The following SSH3 variants were observed in gnomAD, a reference collection of about 807,000 sequenced individuals.
The protein encoded by SSH3 is slingshot protein phosphatase 3.
Under a neutral mutation model 75.0 loss-of-function variants are expected in SSH3, and 67 were observed. The observed-to-expected ratio is 0.89, with a 90% CI of 0.73 to 1.10. SSH3 has a LOEUF of 1.10. Among genes scored for constraint, SSH3 ranks in the 50% least tolerant of loss-of-function variants. The pLI, the probability that SSH3 is intolerant of heterozygous loss-of-function variation, is 0.00. For missense variants in SSH3, 824 were observed against 872.7 expected (o/e 0.94, Z 0.70); for synonymous variants, 318 against 349.2 (o/e 0.91, Z 1.00).
At position 67,307,301 on chromosome 11, in the gene SSH3, T is replaced by C; in HGVS notation, c.537-70T>C. The stretch of plus-strand genomic sequence containing the variant: ...GACTCCTGGGTCTCGGCTTCCCGTA[T>C]CCAGCAAAAGGATGGGTTCTCTGTC... On this transcript the variant is annotated intron_variant, in intron 5 of 13. Transcript: ENST00000308127. The surrounding 1 kb of genome is among the most constrained non-coding windows in gnomAD (Gnocchi z 4.2). 6.2e-7 allele frequency: 1 copy of C among 1,600,274 alleles called. No homozygotes were observed. The highest frequency in any genetic ancestry group is 2.3e-5 in the East Asian group (1 of 44,146).
In SSH3 at chr11:67,310,005, T is replaced by A. The variant is rs775344191; in HGVS notation, c.1409+37T>A. The A allele has an allele frequency of 1.9e-6, 3 of 1,608,070 alleles. 1 individual carries two copies. In the South Asian group the frequency reaches 3.3e-5, roughly 18 times the overall value. ...GAGCGAGTGGCAGGGGGTGAGTAGGTGGGTTTGCTGGGGGTGGCTGCTGGG... is the reference window on the plus strand; with the variant it reads ...GAGCGAGTGGCAGGGGGTGAGTAGGAGGGTTTGCTGGGGGTGGCTGCTGGG... On this transcript the variant is annotated intron_variant, in intron 12 of 13. Transcript: ENST00000308127.
chr11:67,312,452 A>C lies in SSH3; in HGVS notation c.*565A>C. ...TCCAGGTCTTTGCTGCTGTCCCCAG[A>C]CCTCCTGTGACACCACGCCAGATCA... On this transcript the variant is annotated 3_prime_UTR_variant, in exon 14 of 14. Transcript: ENST00000308127. 6.3e-6 allele frequency: 1 copy of C among 158,906 alleles called. No homozygotes were observed. Among genetic ancestry groups the C allele is most frequent in the Non-Finnish European group, 1.4e-5 (1 of 72,792 alleles). 9.8% of individuals were successfully genotyped at this position (158,906 alleles called of 1,614,324 possible). A position where few individuals can be genotyped will look rare whatever the true frequency, so the allele number is the denominator to read the frequency against.
At chr11:67,305,155 AC>A in intron 3 of SSH3, 148 bp downstream of exon 3, 1 of 714,626 alleles carries the variant, frequency 1.4e-6, no homozygotes, top group Non-Finnish European at 2.3e-6. Flanking sequence ...TATCCCAGTG[AC>A]CCTGCTGTTT....
chr11:67,308,978 AG>A lies in SSH3; in HGVS notation c.1062-417del, dbSNP rs961204238. 6.6e-6 allele frequency among the ~76,000 whole-genome samples: 1 copy of A among 152,180 alleles called. No homozygotes were observed. The highest frequency in any genetic ancestry group is 2.4e-5 in the African/African-American group (1 of 41,436). On this transcript the variant is annotated intron_variant, in intron 10 of 13. Coordinates refer to ENST00000308127, the MANE Select transcript of SSH3 (RefSeq NM_017857.4). The surrounding 1 kb of genome is among the most constrained non-coding windows in gnomAD (Gnocchi z 4.9). ...CCACCTTGCCCTGTCTCAGGGAAGA[AG>A]GAACTGCCCTTCTCCCCGTGGGGAC...
intron 13 of SSH3, among the ~76,000 whole-genome samples, chr11:67,310,540 G>C (rs1279391485): frequency 6.6e-6 from 1 of 152,190 alleles, no homozygotes; most frequent in Admixed American, 6.5e-5. Context: ...GTATCTCTTA[G>C]CACCCGGCGT....
chr11:67,305,694 C>T (rs552080503), intron 3 of SSH3, among the ~76,000 whole-genome samples: 1 of 152,274 alleles, frequency 6.6e-6, no homozygotes, highest in South Asian at 2.1e-4. Context: ...GGCAGGCTTG[C>T]TGGACACACA....
rs1861312109 is a variant in SSH3, at chr11:67,308,451, AG to A, written c.1056del (p.Asn353ThrfsTer7). The A allele has an allele frequency of 1.3e-6, 2 of 1,593,570 alleles. No homozygotes were observed. Among genetic ancestry groups the A allele is most frequent in the African/African-American group, 2.7e-5 (2 of 74,310 alleles). On this transcript the variant is annotated frameshift_variant, in exon 10 of 14. Coordinates refer to ENST00000308127, the MANE Select transcript of SSH3 (RefSeq NM_017857.4). LOFTEE classifies it high-confidence loss of function. The surrounding 1 kb of genome is among the most constrained non-coding windows in gnomAD (Gnocchi z 4.9). The part of the protein sequence containing the change: ...WNAANLEELQ[R>X]NRVTHILNMA... ...CGCAGCAAACCTGGAGGAGCTGCAG[AG>A]GAACAGGTAGGGCTATGAGCCCCTC...
rs917529707 is a variant in SSH3 at position 67,303,570 on chromosome 11, G to A, written c.-56G>A. On this transcript the variant is annotated 5_prime_UTR_variant, in exon 1 of 14. Transcript: ENST00000308127. Reference sequence around the variant, plus strand: ...TCCTGCGGGTCCAGGACTGTCCGCGGGGTTGAGGGAAGGGGCCGTGCCCGG... The same window carrying A: ...TCCTGCGGGTCCAGGACTGTCCGCGAGGTTGAGGGAAGGGGCCGTGCCCGG... 2.0e-6 allele frequency: 3 copies of A among 1,497,230 alleles called. No individual in the cohort carries two copies. Among genetic ancestry groups the A allele is most frequent in the Admixed American group, 2.0e-5 (1 of 49,858 alleles). 92.7% of individuals were successfully genotyped at this position (1,497,230 alleles called of 1,614,324 possible).
In SSH3 at chr11:67,310,289, G is replaced by A. The variant is rs778772257; in HGVS notation, c.1633G>A (p.Glu545Lys). Residue 545 changes from glutamate to lysine, a missense_variant, in exon 13 of 14, where the codon GAG becomes AAG. By Grantham distance (56) the Glu-to-Lys change is moderately conservative (BLOSUM62 1). Transcript: ENST00000308127. Reference sequence around the variant, plus strand: ...GGTCATGAGGTCCATCAGTCTTCTGGAGCCCTCCTTGGAGCTGGAGAGCAC... The same window carrying A: ...GGTCATGAGGTCCATCAGTCTTCTGAAGCCCTCCTTGGAGCTGGAGAGCAC... ...RGVMRSISLL[E>K]PSLELESTSE... 3.1e-6 allele frequency: 5 copies of A among 1,614,030 alleles called. No individual in the cohort carries two copies. The highest frequency in any genetic ancestry group is 8.5e-7 in the Non-Finnish European group (1 of 1,179,926).
chr11:67,304,948 C>A lies in SSH3; in HGVS notation c.280C>A (p.Gln94Lys), dbSNP rs141467579. ...CCAGAGTCCCCAGAAGCAGGAGGAG[C>A]AGAGGCAGCACCTGCACCTCATGGT... ...GSQSPQKQEE[Q>K]RQHLHLMVQL... is the part of the protein sequence containing the mutation. The change falls in exon 3 of 14, where the codon CAG (glutamine) becomes AAG (lysine). Residue 94 changes from glutamine (Q) to lysine (K), a missense_variant. Coordinates refer to ENST00000308127, the MANE Select transcript of SSH3 (RefSeq NM_017857.4). 1 of 1,613,558 alleles carries A rather than the reference C, an allele frequency of 6.2e-7. No homozygotes were observed. The highest frequency in any genetic ancestry group is 8.5e-7 in the Non-Finnish European group (1 of 1,179,968).
Position 67,311,840 on chromosome 11 carries a change from G to T in SSH3, c.1933G>T (p.Val645Leu). Residue 645 changes from valine to leucine, a missense_variant, in exon 14 of 14, where the codon GTG becomes TTG. Val to Leu is a conservative substitution (Grantham distance 32, BLOSUM62 1). Transcript: ENST00000308127. ...CTCTACGCCCAGGTTCCGGAAGGTG[G>T]TGAGACAGGCCAGCGTGCATGACAG... is the stretch of plus-strand genomic sequence containing the variant. The part of the protein sequence containing the change: ...ISSTPRFRKV[V>L]RQASVHDSGE... The T allele has an allele frequency of 1.2e-6, 2 of 1,612,890 alleles. No homozygotes were observed. The highest frequency in any genetic ancestry group is 1.7e-6 in the Non-Finnish European group (2 of 1,180,010).
rs766910579 is a variant in SSH3 at position 67,304,819 on chromosome 11, G to A, written c.151G>A (p.Gly51Arg). ...LRGAVLGLQD[G>R]GDNDDAAEAS... is the part of the protein sequence containing the mutation. ...TGGGGCTGTCCTGGGACTGCAGGAT[G>A]GAGGGGACAATGATGATGCAGCAGA... Residue 51 changes from glycine (G) to arginine (R), a missense_variant, in exon 3 of 14, where the codon GGA becomes AGA. Transcript: ENST00000308127. The A allele has an allele frequency of 5.0e-6, 8 of 1,613,008 alleles. No individual in the cohort carries two copies. In the South Asian group the frequency reaches 6.6e-5, roughly 13 times the overall value.
Position 67,306,966 on chromosome 11 carries a change from C to T in SSH3, c.464+4C>T, listed in dbSNP as rs180716488. On this transcript the variant is annotated splice_donor_region_variant and intron_variant, in intron 4 of 13. Coordinates refer to ENST00000308127, the MANE Select transcript of SSH3 (RefSeq NM_017857.4). ...GCGTGGATTTCCCTGACAGCAGGTT[C>T]GAGCAGGGAGAGGAAAGGAGGGGCA... 1.2e-5 allele frequency: 20 copies of T among 1,612,194 alleles called. No homozygotes were observed. The Admixed American group carries it at 1.3e-4, about 11-fold the overall frequency.
intron 1 of SSH3, chr11:67,303,904 T>G: frequency 1.3e-6 from 1 of 766,138 alleles, no homozygotes; most frequent in South Asian, 2.1e-5. Flanking sequence ...GAGGCCCCGA[T>G]CTGAGCGCGC....
chr11:67,307,178 G>A lies in SSH3; in HGVS notation c.536+65G>A, dbSNP rs1590885287. On this transcript the variant is annotated intron_variant, in intron 5 of 13. Coordinates refer to ENST00000308127, the MANE Select transcript of SSH3 (RefSeq NM_017857.4). This position sits in a 1 kb window ranked among gnomAD's most constrained non-coding sequence, Gnocchi z 4.2. ...ATAACTGAGTGTGACGGATGTGACG[G>A]GGCCTGGGCACCAGGGTACAGTAGA... 1.9e-5 allele frequency: 30 copies of A among 1,596,180 alleles called. No homozygotes were observed. In the East Asian group the frequency reaches 6.7e-4, roughly 36 times the overall value.
Position 67,311,892 on chromosome 11 carries a change from T to C in SSH3, c.*5T>C. 2 of 1,607,796 alleles carry C rather than the reference T, an allele frequency of 1.2e-6. No homozygotes were observed. The highest frequency in any genetic ancestry group is 1.7e-6 in the Non-Finnish European group (2 of 1,178,788). On this transcript the variant is annotated 3_prime_UTR_variant, in exon 14 of 14. Transcript: ENST00000308127. ...GGAGAGGAGGGCGAGGCCTGAGCCC[T>C]CACACATGCCCACGCTCCCCTGACA...
chr11:67,307,809 G>A lies in SSH3; in HGVS notation c.792-37G>A, dbSNP rs1350933061. The stretch of plus-strand genomic sequence containing the variant: ...ATGCAGTGGGGGGCATGGTGGAGAG[G>A]GGAAAGGGCCCCTTGACTGAGGGGC... On this transcript the variant is annotated intron_variant, in intron 7 of 13. Coordinates refer to ENST00000308127, the MANE Select transcript of SSH3 (RefSeq NM_017857.4). This position sits in a 1 kb window ranked among gnomAD's most constrained non-coding sequence, Gnocchi z 4.2. The A allele has an allele frequency of 1.9e-6, 3 of 1,613,968 alleles. No individual in the cohort carries two copies. The highest frequency in any genetic ancestry group is 2.7e-5 in the African/African-American group (2 of 74,944).
chr11:67,309,352 G>T, intron 10 of SSH3, 45 bp from the exon 11 acceptor site: 2 of 1,610,308 alleles, frequency 1.2e-6, no homozygotes, highest in South Asian at 2.2e-5. Context: ...CAGTGGGCCT[G>T]GTACCTCTGC....
rs2134776709 is a variant in SSH3, at chr11:67,307,511, A to G, written c.603-38A>G. ...GCTGCAGGGCCTGGGGAAGGGCAGC[A>G]AGGGAACAGTGTGACCCAGCCTCTC... On this transcript the variant is annotated intron_variant, in intron 6 of 13. Transcript: ENST00000308127. This position sits in a 1 kb window ranked among gnomAD's most constrained non-coding sequence, Gnocchi z 4.2. 1 of 1,612,430 alleles carries G rather than the reference A, an allele frequency of 6.2e-7. No individual in the cohort carries two copies.
Sources: allele counts gnomAD v4.1 joint callset (sites outside exome capture counted in the v4.1 genomes callset), GRCh38; gene constraint gnomAD v4.1.1; non-coding constraint Gnocchi (gnomAD v3.1); transcripts MANE v1.5; gene names NCBI Gene and HGNC (gene_info 2026-07-23, HGNC 2026-07-21).